Variants in CNTN5 observed in about 807,000 individuals in gnomAD.
CNTN5 encodes the protein contactin 5.
In CNTN5, 77 loss-of-function variants were observed where a neutral mutation model predicts 129.1. The observed-to-expected ratio is 0.60, with a 90% CI of 0.50 to 0.72. The LOEUF (loss-of-function observed/expected upper bound fraction) is 0.72, where lower values mean the gene tolerates loss of function less well. Ranked by LOEUF, CNTN5 falls within the 30% of genes least tolerant of loss-of-function variation. The pLI, the probability that CNTN5 is intolerant of heterozygous loss-of-function variation, is 0.00. For synonymous variants in CNTN5, 509 were observed against 465.6 expected (o/e 1.09, Z -1.20); for missense variants, 1,478 against 1,328.8 (o/e 1.11, Z -1.75).
At chr11:99,108,874 T>C (rs1467855198) in intron 1 of CNTN5, among the ~76,000 whole-genome samples, 1 of 152,030 alleles carries the variant, frequency 6.6e-6, no homozygotes, top group Admixed American at 6.6e-5. Flanking sequence ...TTAAAAATGG[T>C]TATACATATG....
intron 13 of CNTN5, among the ~76,000 whole-genome samples, chr11:100,121,265 A>C (rs1946012331): frequency 1.3e-5 from 2 of 152,222 alleles, no homozygotes; most frequent in South Asian, 4.1e-4. Context: ...TGAAGAACAT[A>C]AAATGGTCTA....
At chr11:99,584,321 T>C (rs1218133230) in intron 3 of CNTN5, among the ~76,000 whole-genome samples, 1 of 152,194 alleles carries the variant, frequency 6.6e-6, no homozygotes, top group African/African-American at 2.4e-5. Context: ...ACCATACTTA[T>C]TCACACTGGC....
chr11:99,508,759 G>T (rs1172482170), intron 2 of CNTN5, among the ~76,000 whole-genome samples: 3 of 151,500 alleles, frequency 2.0e-5, no homozygotes, highest in Non-Finnish European at 2.9e-5. Context: ...TCGGCTCACT[G>T]TAACTTCCTC....
chr11:99,206,780 TG>T (rs1859508219), intron 1 of CNTN5, among the ~76,000 whole-genome samples: 1 of 152,148 alleles, frequency 6.6e-6, no homozygotes, highest in East Asian at 1.9e-4. Flanking sequence ...CAATTTAAAG[TG>T]GTTTTGTCAT....
Position 100,175,022 on chromosome 11 carries a change from G to A in CNTN5, c.1581-16104G>A, listed in dbSNP as rs545511122. On this transcript the variant is annotated intron_variant, in intron 13 of 24. Transcript: ENST00000524871. ...GCTGTTAAAAAATTTTACTGATCAC[G>A]TTAAAGAGTATGAATTTCTTTCATT... 5.1e-4 allele frequency among the ~76,000 whole-genome samples: 78 copies of A among 152,130 alleles called. 3 individuals carry two copies. The highest frequency in any genetic ancestry group is 3.9e-4 in the African/African-American group (16 of 41,520).
In CNTN5 at chr11:99,147,122, C is replaced by G. The variant is rs1362583442; in HGVS notation, c.-210+125852C>G. Among the ~76,000 whole-genome samples the G allele has an allele frequency of 2.0e-5, 3 of 152,312 alleles. No individual in the cohort carries two copies. The South Asian group carries it at 6.2e-4, about 32-fold the overall frequency. ...TATAAATTGACATTGTGCTTGCTTTCCAACCCTAAGACTTAAACTGTTTTG... is the reference window on the plus strand; with the variant it reads ...TATAAATTGACATTGTGCTTGCTTTGCAACCCTAAGACTTAAACTGTTTTG... On this transcript the variant is annotated intron_variant, in intron 1 of 24. Transcript: ENST00000524871.
intron 1 of CNTN5, among the ~76,000 whole-genome samples, chr11:99,043,437 A>G (rs915271597): frequency 2.6e-5 from 4 of 152,118 alleles, no homozygotes; most frequent in Middle Eastern, 3.4e-3. Context: ...AGTATAATAA[A>G]AAAAAAGAAT....
chr11:99,436,416 G>A (rs1223028479), intron 2 of CNTN5, among the ~76,000 whole-genome samples: 1 of 146,260 alleles, frequency 6.8e-6, no homozygotes, highest in Non-Finnish European at 1.5e-5. Flanking sequence ...CTGCTTTATT[G>A]TCCTAACCAC....
At chr11:100,123,116 T>C (rs1292149062) in intron 13 of CNTN5, among the ~76,000 whole-genome samples, 2 of 152,064 alleles carry the variant, frequency 1.3e-5, no homozygotes, top group African/African-American at 2.4e-5. Flanking sequence ...CTACAGTTTT[T>C]ATTCCGATAC....
intron 4 of CNTN5, among the ~76,000 whole-genome samples, chr11:99,832,697 AAATAT>A (rs1947181358): frequency 6.6e-6 from 1 of 152,184 alleles, no homozygotes; most frequent in Admixed American, 6.6e-5. Context: ...TGTCATCATA[AAATAT>A]AATTTCTAGT....
At chr11:99,664,394 C>A (rs549717508) in intron 3 of CNTN5, among the ~76,000 whole-genome samples, 2 of 152,174 alleles carry the variant, frequency 1.3e-5, no homozygotes, top group Non-Finnish European at 2.9e-5. Flanking sequence ...GATTTTCTTT[C>A]CCCACCAGTA....
At chr11:99,652,238 A>C (rs943883107) in intron 3 of CNTN5, among the ~76,000 whole-genome samples, 1 of 151,996 alleles carries the variant, frequency 6.6e-6, no homozygotes, top group Admixed American at 6.6e-5. Flanking sequence ...ACCTCCTAGA[A>C]GCTGTCCTCA....
At chr11:100,093,130 G>C (rs903905403) in intron 13 of CNTN5, among the ~76,000 whole-genome samples, 1 of 152,026 alleles carries the variant, frequency 6.6e-6, no homozygotes, top group Admixed American at 6.6e-5. Flanking sequence ...ACAGTGCGGG[G>C]TTGACTCAAA....
chr11:99,311,716 T>C (rs1286911730), intron 1 of CNTN5, among the ~76,000 whole-genome samples: 1 of 152,186 alleles, frequency 6.6e-6, no homozygotes, highest in Non-Finnish European at 1.5e-5. Flanking sequence ...ATCAATAGTG[T>C]TAGTATTTTA....
intron 6 of CNTN5, among the ~76,000 whole-genome samples, chr11:99,863,955 A>C (rs868114529): frequency 6.6e-6 from 1 of 152,146 alleles, no homozygotes; most frequent in African/African-American, 2.4e-5. Flanking sequence ...TTGTTTTCTT[A>C]TCCGTAATTG....
chr11:99,963,106 G>T (rs12421561), intron 8 of CNTN5, among the ~76,000 whole-genome samples: 4,559 of 152,252 alleles, frequency 0.03, 221 homozygotes, highest in East Asian at 0.22. Flanking sequence ...CATTCTGTAG[G>T]TTGCCTGTTC....
intron 3 of CNTN5, among the ~76,000 whole-genome samples, chr11:99,791,129 G>C (rs1271824866): frequency 1.3e-5 from 2 of 149,904 alleles, no homozygotes; most frequent in Non-Finnish European, 3.0e-5. Context: ...TTTTTCCTGT[G>C]TAGAAGCTTA....
chr11:99,149,880 G>C (rs1180458300), intron 1 of CNTN5, among the ~76,000 whole-genome samples: 1 of 151,930 alleles, frequency 6.6e-6, no homozygotes, highest in Admixed American at 6.6e-5. Context: ...AATAAATTAA[G>C]ATAATTTGGG....
intron 1 of CNTN5, among the ~76,000 whole-genome samples, chr11:99,290,500 A>G (rs1470922936): frequency 6.6e-6 from 1 of 151,890 alleles, no homozygotes; most frequent in African/African-American, 2.4e-5. Context: ...CTCTGCAGGT[A>G]ACATAGACAG....
Sources: allele counts gnomAD v4.1 joint callset (sites outside exome capture counted in the v4.1 genomes callset), GRCh38; gene constraint gnomAD v4.1.1; transcripts MANE v1.5; gene names NCBI Gene and HGNC (gene_info 2026-07-23, HGNC 2026-07-21).